DNAH9: variants seen among roughly 807,000 people sequenced by gnomAD.
The protein encoded by DNAH9 is DNAH9 variant protein.
Under a neutral mutation model 471.6 loss-of-function variants are expected in DNAH9, and 345 were observed. That is an observed-to-expected ratio of 0.73 (90% CI 0.67 to 0.80). The LOEUF (loss-of-function observed/expected upper bound fraction) is 0.80. DNAH9 is among the 30% of genes least tolerant of loss of function. The pLI is 0.00. For synonymous variants in DNAH9, 2,093 were observed against 2,123.6 expected (o/e 0.99, Z 0.40); for missense variants, 5,407 against 5,609.2 (o/e 0.96, Z 1.15).
At chr17:11,749,074 G>GTTTTTTTTTTGT (rs1567772305) in intron 32 of DNAH9, among the ~76,000 whole-genome samples, 1 of 49,106 alleles carries the variant, frequency 2.0e-5, no homozygotes, top group African/African-American at 6.3e-5. Flanking sequence ...GTTTTTTTTT[G>GTTTTTTTTTTGT]TTTTTTTTTT....
chr17:11,853,615 AGTGCTATTCTCTT>A (rs1178342945), intron 49 of DNAH9, among the ~76,000 whole-genome samples: 2 of 152,248 alleles, frequency 1.3e-5, no homozygotes. Context: ...CTTGGGTTAC[AGTGCTATTCTCTT>A]CAATCCAAGA....
intron 27 of DNAH9, chr17:11,723,600 G>C (rs2075100299): frequency 6.6e-6 from 1 of 152,082 alleles, no homozygotes; most frequent in Admixed American, 6.5e-5. Context: ...TTTATGTTTT[G>C]AGTTTTCATT....
intron 14 of DNAH9, 86 bp from the exon 15 acceptor site, chr17:11,664,747 T>G: frequency 5.5e-6 from 6 of 1,099,590 alleles, no homozygotes; most frequent in African/African-American, 1.6e-5. Flanking sequence ...TTTTTCTCCA[T>G]ATGTTGTTTT....
At chr17:11,638,677 G>A (rs776617061) in intron 9 of DNAH9, among the ~76,000 whole-genome samples, 4 of 152,080 alleles carry the variant, frequency 2.6e-5, no homozygotes, top group African/African-American at 9.7e-5. Context: ...GAGCCACCAC[G>A]CCTGGCCCTC....
At position 11,680,884 on chromosome 17, in the gene DNAH9, G is replaced by T. The variant is rs192673174; in HGVS notation, c.3738G>T (p.Pro1246=). The T allele has an allele frequency of 2.5e-6, 4 of 1,609,532 alleles. No individual in the cohort carries two copies. The South Asian group carries it at 3.3e-5, about 13-fold the overall frequency. ...QFWEQFHKEA[P]FRFDSIHPHQ... is the part of the protein sequence containing the mutation. ...GGGAGCAATTCCACAAAGAAGCCCC[G>T]TTCAGGTATGGGCCGAACACTGCTG... Residue 1246 remains proline (P), a synonymous_variant, in exon 19 of 69, where the codon CCG becomes CCT. Coordinates refer to ENST00000262442, the MANE Select transcript of DNAH9 (RefSeq NM_001372.4).
Position 11,793,667 on chromosome 17 carries a change from G to T in DNAH9, c.8223+3G>T. On this transcript the variant is annotated splice_donor_region_variant and intron_variant, in intron 42 of 68. Coordinates refer to ENST00000262442, the MANE Select transcript of DNAH9 (RefSeq NM_001372.4). ...AAGTGCTCAAGAAAACTTTTGATGT[G>T]AGTATTGCCCTATGGATTTTCTTTG... is the stretch of plus-strand genomic sequence containing the variant. 1 of 1,602,098 alleles carries T rather than the reference G, an allele frequency of 6.2e-7. No homozygotes were observed. Among genetic ancestry groups the T allele is most frequent in the Non-Finnish European group, 8.5e-7 (1 of 1,173,258 alleles).
intron 49 of DNAH9, among the ~76,000 whole-genome samples, chr17:11,849,450 G>A (rs149256193): frequency 8.6e-4 from 131 of 152,210 alleles, no homozygotes; most frequent in East Asian, 6.0e-3. Context: ...CATGGCCTCC[G>A]GAGCCTCTGG....
intron 67 of DNAH9, among the ~76,000 whole-genome samples, chr17:11,945,871 G>A (rs776847928): frequency 1.2e-4 from 18 of 151,054 alleles, no homozygotes; most frequent in Non-Finnish European, 2.5e-4. Flanking sequence ...ATCCTGGCTA[G>A]CATGGTGAAA....
chr17:11,901,079 G>A (rs947829848), intron 59 of DNAH9, among the ~76,000 whole-genome samples: 10 of 152,206 alleles, frequency 6.6e-5, no homozygotes, highest in Non-Finnish European at 1.0e-4. Context: ...GGCTGCAAAT[G>A]GCTTGAGAGT....
Position 11,933,988 on chromosome 17 carries a change from C to A in DNAH9, c.12406C>A (p.Arg4136=). 1 of 1,614,164 alleles carries A rather than the reference C, an allele frequency of 6.2e-7. No individual in the cohort carries two copies. Among genetic ancestry groups the A allele is most frequent in the Non-Finnish European group, 8.5e-7 (1 of 1,180,036 alleles). ...LCRTYLGEFI[R]PEMLEGELSL... ...CAGAACCTACCTGGGGGAATTCATT[C>A]GACCAGAAATGTTAGAAGGAGAACT... Residue 4136 remains arginine (R), a synonymous_variant, in exon 65 of 69, where the codon CGA becomes AGA. Transcript: ENST00000262442.
chr17:11,894,643 C>T, intron 59 of DNAH9, 147 bp downstream of exon 59: 1 of 1,037,458 alleles, frequency 9.6e-7, no homozygotes, highest in Non-Finnish European at 1.4e-6. Context: ...CCTTGCGTCC[C>T]CACAGTGAGC....
chr17:11,772,466 C>CT (rs1031873813), intron 38 of DNAH9, among the ~76,000 whole-genome samples: 1 of 151,964 alleles, frequency 6.6e-6, no homozygotes, highest in African/African-American at 2.4e-5. Context: ...CAGAGAATTT[C>CT]TTTTTTTCTT....
chr17:11,676,002 T>G (rs1227331039), intron 17 of DNAH9, among the ~76,000 whole-genome samples: 2 of 152,148 alleles, frequency 1.3e-5, no homozygotes, highest in African/African-American at 4.8e-5. Flanking sequence ...ATCTTGAAAT[T>G]TTCTGATCTG....
chr17:11,622,840 G>A (rs1043317039), intron 6 of DNAH9, among the ~76,000 whole-genome samples: 39 of 152,044 alleles, frequency 2.6e-4, no homozygotes, highest in African/African-American at 9.2e-4. Context: ...TTAATTAGAG[G>A]ATGACATGAG....
intron 57 of DNAH9, among the ~76,000 whole-genome samples, chr17:11,890,886 T>G (rs1207977121): frequency 6.6e-6 from 1 of 152,132 alleles, no homozygotes; most frequent in African/African-American, 2.4e-5. Context: ...ACGGTCTCGC[T>G]ATCTTGCCCA....
chr17:11,885,234 G>A (rs1972844254), intron 56 of DNAH9, among the ~76,000 whole-genome samples: 2 of 152,200 alleles, frequency 1.3e-5, no homozygotes, highest in South Asian at 4.1e-4. Context: ...GAAAGCACAG[G>A]GATCAGTGAA....
chr17:11,739,471 G>A (rs1404373580), intron 29 of DNAH9, among the ~76,000 whole-genome samples: 2 of 152,140 alleles, frequency 1.3e-5, no homozygotes, highest in Admixed American at 6.5e-5. Context: ...TATGCATAAT[G>A]CTGTAATGTA....
In DNAH9 at chr17:11,731,345, G is replaced by A. The variant is rs144625770; in HGVS notation, c.5814+3423G>A. Reference sequence around the variant, plus strand: ...ATGGGTTGAAGAGAAGTAGAAGCCGGGATACACAGGGTAGGGAAAAAGGGT... The same window carrying A: ...ATGGGTTGAAGAGAAGTAGAAGCCGAGATACACAGGGTAGGGAAAAAGGGT... On this transcript the variant is annotated intron_variant, in intron 28 of 68. Transcript: ENST00000262442. 1.8e-3 allele frequency among the ~76,000 whole-genome samples: 273 copies of A among 151,890 alleles called. 1 individual carries two copies. Among genetic ancestry groups the A allele is most frequent in the African/African-American group, 6.3e-3 (262 of 41,408 alleles).
intron 32 of DNAH9, among the ~76,000 whole-genome samples, chr17:11,750,375 C>A (rs1003110840): frequency 5.3e-5 from 8 of 151,788 alleles, no homozygotes; most frequent in African/African-American, 1.9e-4. Context: ...AAAATTAATT[C>A]CAGTAAACAG....
Sources: gnomAD v4.1 joint callset for allele counts (sites outside exome capture counted in the v4.1 genomes callset) on GRCh38, gnomAD v4.1.1 for gene constraint, MANE v1.5 for transcripts, NCBI Gene and HGNC (gene_info 2026-07-23, HGNC 2026-07-21) for gene names.